HTR3B: variants seen among roughly 807,000 people sequenced by gnomAD.
The protein encoded by HTR3B is 5-hydroxytryptamine receptor 3B, also known as 5-hydroxytryptamine (serotonin) receptor 3B, ionotropic.
In HTR3B, 44 loss-of-function variants were observed where a neutral mutation model predicts 42.8. The observed-to-expected ratio is 1.03, with a 90% CI of 0.81 to 1.32. The LOEUF is 1.32. HTR3B is among the 40% of genes most tolerant of loss of function. The probability of loss-of-function intolerance (pLI) is 0.00; values close to 1 mark genes in which losing one functional copy is unlikely to be tolerated. For synonymous variants in HTR3B, 203 were observed against 209.0 expected (o/e 0.97, Z 0.25); for missense variants, 527 against 536.5 (o/e 0.98, Z 0.17).
intron 6 of HTR3B, 86 bp from the exon 7 acceptor site, chr11:113,942,896 G>T: frequency 9.0e-7 from 1 of 1,115,870 alleles, no homozygotes; most frequent in South Asian, 1.3e-5. Flanking sequence ...TTGGGTCTTC[G>T]GGGAGAATTC....
chr11:113,948,238 T>C lies in HTR3B; in HGVS notation c.*2101T>C, dbSNP rs1442679954. Among the ~76,000 whole-genome samples, 1 of 152,240 alleles carries C rather than the reference T, an allele frequency of 6.6e-6. No individual in the cohort carries two copies. The highest frequency in any genetic ancestry group is 2.4e-5 in the African/African-American group (1 of 41,466). On this transcript the variant is annotated 3_prime_UTR_variant, in exon 9 of 9. Transcript: ENST00000260191. The stretch of plus-strand genomic sequence containing the variant: ...GCTCAGTTAGGCATCACGGTCCTGA[T>C]GTCACCTTAGCTTGCCATCCATGTC...
chr11:113,913,549 C>G (rs1949820284), intron 2 of HTR3B, among the ~76,000 whole-genome samples: 1 of 149,078 alleles, frequency 6.7e-6, no homozygotes, highest in South Asian at 2.1e-4. Context: ...AAATCTCTCT[C>G]TGTCACCCAG....
At chr11:113,911,614 C>T (rs1158765468) in intron 2 of HTR3B, among the ~76,000 whole-genome samples, 1 of 151,982 alleles carries the variant, frequency 6.6e-6, no homozygotes, top group East Asian at 1.9e-4. Context: ...GCAACCTCCG[C>T]CTCCCGGGGA....
Position 113,948,521 on chromosome 11 carries a change from A to G in HTR3B, c.*2384A>G, listed in dbSNP as rs1441301143. Among the ~76,000 whole-genome samples, 1 of 152,220 alleles carries G rather than the reference A, an allele frequency of 6.6e-6. No individual in the cohort carries two copies. The highest frequency in any genetic ancestry group is 1.5e-5 in the Non-Finnish European group (1 of 68,046). On this transcript the variant is annotated 3_prime_UTR_variant, in exon 9 of 9. Coordinates refer to ENST00000260191, the MANE Select transcript of HTR3B (RefSeq NM_006028.5). Reference sequence around the variant, plus strand: ...GGCTGTTTATATTTGCTCTACCCCTATCAAAGAGTTATGAGGATCAAAATG... The same window carrying G: ...GGCTGTTTATATTTGCTCTACCCCTGTCAAAGAGTTATGAGGATCAAAATG...
chr11:113,913,491 G>A (rs1261102316), intron 2 of HTR3B, among the ~76,000 whole-genome samples: 1 of 147,654 alleles, frequency 6.8e-6, no homozygotes, highest in Non-Finnish European at 1.5e-5. Context: ...GATTACGGGT[G>A]TGAGCCACCA....
intron 2 of HTR3B, among the ~76,000 whole-genome samples, chr11:113,921,625 A>AG (rs1949915614): frequency 6.6e-6 from 1 of 152,132 alleles, no homozygotes; most frequent in Non-Finnish European, 1.5e-5. Context: ...CTCAAAAAAA[A>AG]AAAAAAAATT....
chr11:113,929,747 T>A (rs1199699162), intron 2 of HTR3B, among the ~76,000 whole-genome samples: 10 of 152,176 alleles, frequency 6.6e-5, no homozygotes, highest in Admixed American at 6.5e-4. Context: ...ATTTTTATTT[T>A]TTAGAGACGG....
chr11:113,940,714 T>C (rs1206727105), intron 6 of HTR3B, among the ~76,000 whole-genome samples: 1 of 152,200 alleles, frequency 6.6e-6, no homozygotes, highest in African/African-American at 2.4e-5. Flanking sequence ...CCAGACCCAA[T>C]GGCTGGAGAG....
At chr11:113,919,586 T>C (rs1949891765) in intron 2 of HTR3B, among the ~76,000 whole-genome samples, 1 of 152,106 alleles carries the variant, frequency 6.6e-6, no homozygotes, top group Non-Finnish European at 1.5e-5. Flanking sequence ...CCCAGCACTT[T>C]GGGAGGCCGA....
intron 2 of HTR3B, among the ~76,000 whole-genome samples, chr11:113,923,063 T>C (rs1334048969): frequency 1.3e-5 from 2 of 152,224 alleles, no homozygotes; most frequent in African/African-American, 4.8e-5. Flanking sequence ...TCTAGGATTA[T>C]CTTTACAAAT....
At chr11:113,921,596 C>T (rs1358175712) in intron 2 of HTR3B, among the ~76,000 whole-genome samples, 5 of 147,902 alleles carry the variant, frequency 3.4e-5, no homozygotes, top group African/African-American at 7.5e-5. Flanking sequence ...TCCAACTTGG[C>T]GACAGAATGA....
At chr11:113,916,313 A>C (rs1443197438) in intron 2 of HTR3B, among the ~76,000 whole-genome samples, 1 of 152,124 alleles carries the variant, frequency 6.6e-6, no homozygotes, top group African/African-American at 2.4e-5. Context: ...ATTTAATTTT[A>C]AAGTTGGGCT....
intron 8 of HTR3B, among the ~76,000 whole-genome samples, chr11:113,945,042 C>G (rs1440546685): frequency 6.6e-6 from 1 of 151,174 alleles, no homozygotes; most frequent in Admixed American, 6.6e-5. Flanking sequence ...TAGGCTCAGG[C>G]GATCTTCCCT....
intron 6 of HTR3B, among the ~76,000 whole-genome samples, chr11:113,935,536 G>T (rs1006809289): frequency 7.0e-6 from 1 of 141,948 alleles, no homozygotes; most frequent in South Asian, 2.2e-4. Flanking sequence ...ATTCAGTGAC[G>T]ATCACAGTTT....
At chr11:113,905,998 G>A (rs1949730480) in intron 1 of HTR3B, among the ~76,000 whole-genome samples, 3 of 152,150 alleles carry the variant, frequency 2.0e-5, no homozygotes. Context: ...GGGTTTCTTA[G>A]TAGAAAATAA....
At chr11:113,945,681 C>T (rs1374941181) in intron 8 of HTR3B, among the ~76,000 whole-genome samples, 2 of 152,180 alleles carry the variant, frequency 1.3e-5, no homozygotes, top group Non-Finnish European at 2.9e-5. Flanking sequence ...ACACATACAC[C>T]CTGCTTACAT....
intron 2 of HTR3B, among the ~76,000 whole-genome samples, chr11:113,921,405 AAGTGCT>A (rs1019703114): frequency 2.6e-5 from 4 of 152,008 alleles, no homozygotes; most frequent in African/African-American, 9.7e-5. Flanking sequence ...CAGCCTCCCA[AAGTGCT>A]AGGATTACAA....
chr11:113,913,019 CATATA>C (rs1203047432), intron 2 of HTR3B, among the ~76,000 whole-genome samples: 13 of 148,686 alleles, frequency 8.7e-5, no homozygotes, highest in African/African-American at 1.7e-4. Context: ...AATATAATAA[CATATA>C]ATATAGTAAT....
At chr11:113,930,042 A>G (rs1403978693) in intron 2 of HTR3B, among the ~76,000 whole-genome samples, 1 of 152,130 alleles carries the variant, frequency 6.6e-6, no homozygotes, top group Non-Finnish European at 1.5e-5. Flanking sequence ...GGCCTCGCCC[A>G]TTTTAAAACA....
Sources: allele counts gnomAD v4.1 joint callset (sites outside exome capture counted in the v4.1 genomes callset), GRCh38; gene constraint gnomAD v4.1.1; transcripts MANE v1.5; gene names NCBI Gene and HGNC (gene_info 2026-07-23, HGNC 2026-07-21).